The following CAMTA1 variants were observed in gnomAD, a reference collection of about 807,000 sequenced individuals.
The protein encoded by CAMTA1 is calmodulin-binding transcription activator 1.
Under a neutral mutation model 170.9 loss-of-function variants are expected in CAMTA1, and 27 were observed. The ratio of observed to expected loss-of-function variants is 0.16; its 90% confidence interval spans 0.12 to 0.22. CAMTA1 has a LOEUF of 0.22. CAMTA1 is among the 10% of genes least tolerant of loss of function. The probability of loss-of-function intolerance (pLI) is 1.00; values close to 1 mark genes in which losing one functional copy is unlikely to be tolerated. For missense variants in CAMTA1, 1,619 were observed against 2,217.2 expected, an observed-to-expected ratio of 0.73 and a Z score of 5.42; for synonymous variants, 833 against 891.5, an observed-to-expected ratio of 0.93 and a Z score of 1.17.
rs562652806 is a variant in CAMTA1, at chr1:6,924,915, G to A, written c.234+99705G>A. ...GCCTCTTGGTCTGATTTCTCTGGGA[G>A]TTTTTTCATGTGACATTGGTGTAGC... On this transcript the variant is annotated intron_variant, in intron 3 of 22. Transcript: ENST00000303635. 4.1e-4 allele frequency among the ~76,000 whole-genome samples: 63 copies of A among 152,342 alleles called. No homozygotes were observed. In the South Asian group the frequency reaches 0.013, roughly 31 times the overall value.
intron 3 of CAMTA1, among the ~76,000 whole-genome samples, chr1:6,832,089 A>AT (rs879893784): frequency 1.2e-3 from 169 of 144,822 alleles, no homozygotes; most frequent in African/African-American, 2.0e-3. Flanking sequence ...ATTTTTTTTT[A>AT]TTTTTTTTTT....
chr1:7,738,349 C>T lies in CAMTA1; in HGVS notation c.4049C>T (p.Pro1350Leu), dbSNP rs766200889. The change falls in exon 16 of 23, where the codon CCT (proline) becomes CTT (leucine). Residue 1350 changes from proline to leucine, a missense_variant. Coordinates refer to ENST00000303635, the MANE Select transcript of CAMTA1 (RefSeq NM_015215.4). The surrounding 1 kb of genome is among the most constrained non-coding windows in gnomAD (Gnocchi z 4.9). Reference protein sequence around the residue: ...KGTSVGKEAAPSQVRPREPMS... With the variant: ...KGTSVGKEAALSQVRPREPMS... ...ACCAGTGTAGGAAAGGAGGCAGCAC[C>T]TTCACAGGTGCGTCCACGGGAACCA... 4.3e-6 allele frequency: 7 copies of T among 1,614,086 alleles called. No individual in the cohort carries two copies. Among genetic ancestry groups the T allele is most frequent in the Non-Finnish European group, 5.1e-6 (6 of 1,180,042 alleles).
At chr1:7,662,475 G>A (rs955867744) in intron 8 of CAMTA1, among the ~76,000 whole-genome samples, 1 of 152,138 alleles carries the variant, frequency 6.6e-6, no homozygotes, top group Non-Finnish European at 1.5e-5. Context: ...TCTTGGTGGT[G>A]AGGCCATAAC....
intron 11 of CAMTA1, among the ~76,000 whole-genome samples, chr1:7,707,145 A>C (rs757832373): frequency 6.6e-6 from 1 of 151,986 alleles, no homozygotes; most frequent in Non-Finnish European, 1.5e-5. Flanking sequence ...CAGCCTCCCA[A>C]AGTGATGGGA....
intron 6 of CAMTA1, among the ~76,000 whole-genome samples, chr1:7,574,644 G>A (rs911092525): frequency 6.6e-6 from 1 of 152,116 alleles, no homozygotes; most frequent in Non-Finnish European, 1.5e-5. Context: ...CTCTCGACGC[G>A]ATGCAGAGAG....
At chr1:7,513,250 G>C (rs941584166) in intron 6 of CAMTA1, among the ~76,000 whole-genome samples, 8 of 152,130 alleles carry the variant, frequency 5.3e-5, no homozygotes, top group African/African-American at 1.7e-4. Flanking sequence ...GCTAGGATGT[G>C]GGAGAGAAAG....
intron 3 of CAMTA1, among the ~76,000 whole-genome samples, chr1:6,966,611 C>CTTTTT (rs70984045): frequency 0.063 from 8,050 of 128,146 alleles, 479 homozygotes; most frequent in African/African-American, 0.094. Flanking sequence ...CTTTTGAAAC[C>CTTTTT]TTTTTTTTTT....
At chr1:7,722,603 A>G (rs958148621) in intron 11 of CAMTA1, among the ~76,000 whole-genome samples, 13 of 152,358 alleles carry the variant, frequency 8.5e-5, no homozygotes, top group Admixed American at 6.5e-4. Flanking sequence ...TTGAAGTATA[A>G]TAAGGTAAAT....
intron 3 of CAMTA1, among the ~76,000 whole-genome samples, chr1:6,966,611 C>CTTTTTTT (rs70984045): frequency 5.5e-5 from 7 of 128,182 alleles, no homozygotes; most frequent in Admixed American, 8.3e-5. Context: ...CTTTTGAAAC[C>CTTTTTTT]TTTTTTTTTT....
intron 3 of CAMTA1, among the ~76,000 whole-genome samples, chr1:7,006,890 TC>T (rs907642490): frequency 6.6e-6 from 1 of 152,140 alleles, no homozygotes; most frequent in African/African-American, 2.4e-5. Context: ...GTTCTTTTTT[TC>T]CCGGTTGGAG....
At chr1:6,937,460 A>G (rs1685573065) in intron 3 of CAMTA1, among the ~76,000 whole-genome samples, 1 of 125,524 alleles carries the variant, frequency 8.0e-6, no homozygotes, top group Non-Finnish European at 1.6e-5. Context: ...ATCATTCACC[A>G]CTTACCACCA....
At chr1:7,503,210 G>A (rs1320943651) in intron 6 of CAMTA1, among the ~76,000 whole-genome samples, 9 of 152,184 alleles carry the variant, frequency 5.9e-5, no homozygotes, top group East Asian at 5.8e-4. Flanking sequence ...AAAGTGCCCC[G>A]GGCTCTGCTG....
rs1271956164 is a variant in CAMTA1 at position 7,673,560 on chromosome 1, G to A, written c.2779+2523G>A. On this transcript the variant is annotated intron_variant, in intron 10 of 22. Coordinates refer to ENST00000303635, the MANE Select transcript of CAMTA1 (RefSeq NM_015215.4). The surrounding 1 kb of genome is among the most constrained non-coding windows in gnomAD (Gnocchi z 4.6). Reference sequence around the variant, plus strand: ...CCCAGAGATGGCAGGTAGAGTCTCTGCCCAGGCCACTCACCCTCCTAGCTG... The same window carrying A: ...CCCAGAGATGGCAGGTAGAGTCTCTACCCAGGCCACTCACCCTCCTAGCTG... Among the ~76,000 whole-genome samples the A allele has an allele frequency of 6.6e-6, 1 of 152,178 alleles. No homozygotes were observed. Among genetic ancestry groups the A allele is most frequent in the Non-Finnish European group, 1.5e-5 (1 of 68,040 alleles).
intron 6 of CAMTA1, among the ~76,000 whole-genome samples, chr1:7,639,181 G>A (rs1235192437): frequency 3.3e-5 from 5 of 151,704 alleles, no homozygotes; most frequent in Admixed American, 1.3e-4. Flanking sequence ...GGGTTTCACC[G>A]TGTTAGCCAG....
rs2150063305 is a variant in CAMTA1, at chr1:7,534,155, C to T, written c.510+66254C>T. 6.6e-6 allele frequency among the ~76,000 whole-genome samples: 1 copy of T among 152,310 alleles called. No individual in the cohort carries two copies. Among genetic ancestry groups the T allele is most frequent in the East Asian group, 1.9e-4 (1 of 5,180 alleles). ...CCTGGCAGCCTCATATCTGCCAATA[C>T]AAAGCCATACATCTTGGTGTGTGAC... On this transcript the variant is annotated intron_variant, in intron 6 of 22. Coordinates refer to ENST00000303635, the MANE Select transcript of CAMTA1 (RefSeq NM_015215.4). This position sits in a 1 kb window ranked among gnomAD's most constrained non-coding sequence, Gnocchi z 5.6.
chr1:7,297,199 T>A, intron 5 of CAMTA1, among the ~76,000 whole-genome samples: 1 of 152,216 alleles, frequency 6.6e-6, no homozygotes, highest in East Asian at 1.9e-4. Flanking sequence ...TTCTAGATAT[T>A]TTAGAAGATA....
At chr1:7,498,430 C>T (rs914487208) in intron 6 of CAMTA1, among the ~76,000 whole-genome samples, 8 of 140,958 alleles carry the variant, frequency 5.7e-5, no homozygotes, top group South Asian at 4.7e-4. Flanking sequence ...TGTGGATGTG[C>T]GTGTGTATGA....
intron 6 of CAMTA1, among the ~76,000 whole-genome samples, chr1:7,563,950 G>T (rs946041214): frequency 6.6e-6 from 1 of 152,208 alleles, no homozygotes; most frequent in Non-Finnish European, 1.5e-5. Flanking sequence ...GGAGGGTAAA[G>T]CGAGGAGGGG....
intron 6 of CAMTA1, among the ~76,000 whole-genome samples, chr1:7,611,651 C>G (rs898406989): frequency 1.3e-5 from 2 of 152,206 alleles, no homozygotes; most frequent in African/African-American, 4.8e-5. Context: ...CTGTGTGCAG[C>G]AGGAGGCTCT....
Sources: gnomAD v4.1 joint callset for allele counts (sites outside exome capture counted in the v4.1 genomes callset) on GRCh38, gnomAD v4.1.1 for gene constraint, Gnocchi (gnomAD v3.1) non-coding constraint, MANE v1.5 for transcripts, NCBI Gene and HGNC (gene_info 2026-07-23, HGNC 2026-07-21) for gene names.